Variants in SP4 observed in about 807,000 individuals in gnomAD.
SP4 encodes the protein transcription factor Sp4.
Under a neutral mutation model 72.8 loss-of-function variants are expected in SP4, and 19 were observed. The observed-to-expected ratio is 0.26, with a 90% CI of 0.18 to 0.38. The LOEUF is 0.38. Among genes scored for constraint, SP4 ranks in the 10% least tolerant of loss-of-function variants. The pLI is 1.00. For synonymous variants in SP4, 395 were observed against 333.1 expected, an observed-to-expected ratio of 1.19 and a Z score of -2.02; for missense variants, 1,008 against 926.3, an observed-to-expected ratio of 1.09 and a Z score of -1.14.
At chr7:21,458,999 C>G (rs150694970) in intron 3 of SP4, among the ~76,000 whole-genome samples, 1 of 152,308 alleles carries the variant, frequency 6.6e-6, no homozygotes, top group Non-Finnish European at 1.5e-5. Context: ...AGCTATGACC[C>G]TAACAACTGA....
chr7:21,447,372 C>T (rs1783460601), intron 3 of SP4, among the ~76,000 whole-genome samples: 1 of 152,172 alleles, frequency 6.6e-6, no homozygotes, highest in Non-Finnish European at 1.5e-5. Flanking sequence ...ATTTTATTAC[C>T]TTAGCACCTT....
intron 3 of SP4, among the ~76,000 whole-genome samples, chr7:21,442,243 T>C (rs1265234633): frequency 6.6e-6 from 1 of 152,036 alleles, no homozygotes; most frequent in Non-Finnish European, 1.5e-5. Context: ...TTTCGCCATG[T>C]TGGCCAGGCT....
At chr7:21,486,417 A>G (rs976021088) in intron 5 of SP4, among the ~76,000 whole-genome samples, 4 of 152,124 alleles carry the variant, frequency 2.6e-5, no homozygotes, top group Admixed American at 2.0e-4. Flanking sequence ...TCCAGGATTC[A>G]GTCTGGAATA....
chr7:21,496,684 T>A (rs537896920), intron 5 of SP4, among the ~76,000 whole-genome samples: 2 of 152,368 alleles, frequency 1.3e-5, no homozygotes, highest in Admixed American at 1.3e-4. Context: ...TTTATTTATT[T>A]TTTTTTCAAA....
intron 3 of SP4, among the ~76,000 whole-genome samples, chr7:21,461,637 C>T (rs1426799210): frequency 2.0e-5 from 3 of 152,182 alleles, no homozygotes; most frequent in Non-Finnish European, 4.4e-5. Context: ...CTCCACACCT[C>T]CCCGCAAGCC....
chr7:21,460,447 T>C (rs575929998), intron 3 of SP4, among the ~76,000 whole-genome samples: 3 of 150,210 alleles, frequency 2.0e-5, no homozygotes, highest in South Asian at 4.5e-4. Context: ...ACCTTCGCGG[T>C]GAGTGTTACA....
Position 21,445,684 on chromosome 7 carries a change from G to C in SP4, c.1678+14841G>C, listed in dbSNP as rs557700014. Among the ~76,000 whole-genome samples, 4 of 152,220 alleles carry C rather than the reference G, an allele frequency of 2.6e-5. No homozygotes were observed. The South Asian group carries it at 8.3e-4, about 32-fold the overall frequency. On this transcript the variant is annotated intron_variant, in intron 3 of 5. Coordinates refer to ENST00000222584, the MANE Select transcript of SP4 (RefSeq NM_003112.5). ...TAGAAAGTTTAAATAATTTGCCTAA[G>C]GTTACAGAATTGATACATGGCGGGT...
intron 5 of SP4, among the ~76,000 whole-genome samples, chr7:21,499,172 C>G (rs934712969): frequency 1.3e-5 from 2 of 151,324 alleles, no homozygotes; most frequent in Admixed American, 6.6e-5. Flanking sequence ...TCATAAAGGT[C>G]TTCATCTTTG....
intron 5 of SP4, among the ~76,000 whole-genome samples, chr7:21,501,117 C>A (rs936414662): frequency 8.5e-5 from 13 of 152,168 alleles, no homozygotes; most frequent in Non-Finnish European, 5.9e-5. Context: ...GTTTCATTAT[C>A]CCCCTAATAA....
chr7:21,456,351 G>T (rs1028178239), intron 3 of SP4, among the ~76,000 whole-genome samples: 2 of 152,182 alleles, frequency 1.3e-5, no homozygotes, highest in Admixed American at 6.5e-5. Context: ...AAGGTGTATG[G>T]TAAGTCATAA....
At chr7:21,482,479 GTTT>G (rs987004628) in intron 5 of SP4, 2 of 182,652 alleles carry the variant, frequency 1.1e-5, no homozygotes, top group Admixed American at 1.4e-4. Flanking sequence ...GTGTGTTTTA[GTTT>G]TTTTTTTTCT....
chr7:21,464,481 A>G (rs1430906295), intron 3 of SP4, among the ~76,000 whole-genome samples: 2 of 151,740 alleles, frequency 1.3e-5, no homozygotes, highest in Non-Finnish European at 2.9e-5. Flanking sequence ...ACGTTTTCAC[A>G]TGTTTATTTT....
At chr7:21,500,651 A>T (rs1781840586) in intron 5 of SP4, among the ~76,000 whole-genome samples, 1 of 152,114 alleles carries the variant, frequency 6.6e-6, no homozygotes, top group Non-Finnish European at 1.5e-5. Flanking sequence ...TTACACTTGG[A>T]GGCTGCCCAC....
intron 5 of SP4, among the ~76,000 whole-genome samples, chr7:21,507,654 A>C (rs1031462124): frequency 1.3e-5 from 2 of 152,030 alleles, no homozygotes; most frequent in African/African-American, 4.8e-5. Flanking sequence ...GGCACACCTA[A>C]TTTTTATCTG....
intron 5 of SP4, among the ~76,000 whole-genome samples, chr7:21,500,262 A>G (rs1382272859): frequency 1.3e-5 from 2 of 152,242 alleles, no homozygotes; most frequent in Non-Finnish European, 1.5e-5. Flanking sequence ...AAGATGTTTT[A>G]CATATCTTGA....
intron 5 of SP4, among the ~76,000 whole-genome samples, chr7:21,499,655 T>C (rs1781816748): frequency 6.6e-6 from 1 of 152,192 alleles, no homozygotes; most frequent in Non-Finnish European, 1.5e-5. Context: ...ATTTATGTTG[T>C]TTTAAGCCAC....
chr7:21,454,705 A>G (rs545875007), intron 3 of SP4, among the ~76,000 whole-genome samples: 14 of 152,264 alleles, frequency 9.2e-5, no homozygotes, highest in East Asian at 7.7e-4. Flanking sequence ...GCTTTTCCCA[A>G]TACATGTGGG....
chr7:21,451,339 T>A (rs1783594212), intron 3 of SP4, among the ~76,000 whole-genome samples: 1 of 152,166 alleles, frequency 6.6e-6, no homozygotes, highest in Admixed American at 6.5e-5. Flanking sequence ...ATTACTATAT[T>A]AGAGCGACAG....
intron 3 of SP4, among the ~76,000 whole-genome samples, chr7:21,440,982 G>A (rs1196978301): frequency 6.6e-6 from 1 of 152,164 alleles, no homozygotes; most frequent in African/African-American, 2.4e-5. Context: ...AACTAAACCT[G>A]TCTTAAAATG....
Sources: allele counts gnomAD v4.1 joint callset (sites outside exome capture counted in the v4.1 genomes callset), GRCh38; gene constraint gnomAD v4.1.1; transcripts MANE v1.5; gene names NCBI Gene and HGNC (gene_info 2026-07-23, HGNC 2026-07-21).